The following ADGRE3 variants were observed in gnomAD, a reference collection of about 807,000 sequenced individuals.
ADGRE3 encodes the protein EGF-like module receptor 3.
Under a neutral mutation model 80.1 loss-of-function variants are expected in ADGRE3, and 88 were observed. The ratio of observed to expected loss-of-function variants is 1.10; its 90% CI spans 0.93 to 1.31. The LOEUF is 1.31. Ranked by LOEUF, ADGRE3 falls within the 40% of genes most tolerant of loss-of-function variation. ADGRE3 has a pLI of 0.00. For missense variants in ADGRE3, 715 were observed against 776.5 expected (o/e 0.92, Z 0.94); for synonymous variants, 281 against 294.8 (o/e 0.95, Z 0.48).
chr19:14,620,524 GAATATATATATTTTATATATATAT>G (rs1472746688), intron 15 of ADGRE3, among the ~76,000 whole-genome samples: 8 of 19,280 alleles, frequency 4.1e-4, no homozygotes, highest in African/African-American at 1.2e-3. Context: ...GACTATATAT[GAATATATATATTTTATATATATAT>G]TATATATATA....
chr19:14,663,324 C>T (rs1972003067), intron 3 of ADGRE3, 94 bp downstream of exon 3: 1 of 767,916 alleles, frequency 1.3e-6, no homozygotes, highest in Non-Finnish European at 1.7e-6. Context: ...TTGATCATGC[C>T]ACAGCAGTCC....
chr19:14,616,060 T>C (rs888848203), downstream of ADGRE3, among the ~76,000 whole-genome samples: 3 of 151,450 alleles, frequency 2.0e-5, no homozygotes, highest in African/African-American at 7.3e-5. Context: ...GCCTCCCGAG[T>C]AGCTGGGACT....
Position 14,665,932 on chromosome 19 carries a change from A to ATG in ADGRE3, c.77-2394_77-2393dup, listed in dbSNP as rs1198501524. Among the ~76,000 whole-genome samples the ATG allele has an allele frequency of 1.3e-3, 93 of 72,148 alleles. 3 individuals are homozygous for ATG. Among genetic ancestry groups the ATG allele is most frequent in the Admixed American group, 5.3e-3 (35 of 6,652 alleles). The allele number at this position is 72,148 out of a possible 152,430, so 47.3% of individuals were successfully genotyped here. ...ACATATATATTGCATATACACACAT[A>ATG]TGTGTATATATATATATATATATAT... On this transcript the variant is annotated intron_variant, in intron 2 of 15. Transcript: ENST00000253673.
chr19:14,629,339 G>A (rs1036582451), intron 14 of ADGRE3, among the ~76,000 whole-genome samples: 1 of 152,098 alleles, frequency 6.6e-6, no homozygotes, highest in Admixed American at 6.6e-5. Context: ...ATGTGAAGTG[G>A]TGTGTTAGCT....
the ADGRE3 span, among the ~76,000 whole-genome samples, chr19:14,600,747 A>G: frequency 6.6e-6 from 1 of 150,840 alleles, no homozygotes; most frequent in Admixed American, 6.7e-5. Flanking sequence ...ACGCCCGGCT[A>G]ATTTTGTTTT....
At chr19:14,655,248 A>G in intron 5 of ADGRE3, 83 bp from the exon 6 acceptor site, 1 of 1,279,520 alleles carries the variant, frequency 7.8e-7, no homozygotes, top group Non-Finnish European at 1.1e-6. Flanking sequence ...AAAGCATGAG[A>G]AAGCAGGCTC....
At chr19:14,653,951 T>G (rs10411108) in intron 6 of ADGRE3, among the ~76,000 whole-genome samples, 200 of 10,318 alleles carry the variant, frequency 0.019, no homozygotes, top group Middle Eastern at 0.18. Flanking sequence ...GTGTGTTTTT[T>G]TTTTTTTTTT....
chr19:14,647,513 T>C (rs1220372902), intron 7 of ADGRE3, 148 bp from the exon 8 acceptor site: 1 of 575,002 alleles, frequency 1.7e-6, no homozygotes, highest in East Asian at 3.1e-5. Flanking sequence ...GCCTCCCGGG[T>C]TCAAGTGATT....
chr19:14,639,866 A>G (rs1260835124), intron 10 of ADGRE3, among the ~76,000 whole-genome samples: 1 of 152,016 alleles, frequency 6.6e-6, no homozygotes, highest in East Asian at 1.9e-4. Flanking sequence ...TTTGTTAGCA[A>G]TTTTTCAATA....
downstream of ADGRE3, among the ~76,000 whole-genome samples, chr19:14,618,281 G>A (rs530011432): frequency 1.3e-5 from 2 of 151,676 alleles, no homozygotes; most frequent in Non-Finnish European, 2.9e-5. Context: ...CATCAGGCGC[G>A]ATGGCTTGTG....
chr19:14,606,679 CAAAAA>C, the ADGRE3 span, among the ~76,000 whole-genome samples: 1 of 66,432 alleles, frequency 1.5e-5, no homozygotes. Flanking sequence ...GACTCCCTCT[CAAAAA>C]AAAAAAAAAA....
chr19:14,640,668 C>T (rs971620752), intron 10 of ADGRE3, among the ~76,000 whole-genome samples: 8 of 151,962 alleles, frequency 5.3e-5, no homozygotes, highest in African/African-American at 1.9e-4. Context: ...TGGTTTGGCT[C>T]TGTGTCCCCA....
intron 8 of ADGRE3, among the ~76,000 whole-genome samples, chr19:14,646,365 T>C (rs1971398083): frequency 6.6e-6 from 1 of 152,194 alleles, no homozygotes; most frequent in African/African-American, 2.4e-5. Flanking sequence ...CCCCCCACCT[T>C]GGCCTCCCAA....
chr19:14,668,642 A>G (rs140634046), intron 2 of ADGRE3, 160 bp downstream of exon 2: 378 of 579,356 alleles, frequency 6.5e-4, no homozygotes, highest in African/African-American at 5.6e-3. Flanking sequence ...CATATTTGAT[A>G]TAATGATAAA....
the ADGRE3 span, among the ~76,000 whole-genome samples, chr19:14,605,551 A>G: frequency 1.3e-5 from 2 of 152,170 alleles, no homozygotes; most frequent in African/African-American, 4.8e-5. Flanking sequence ...AATATTTATA[A>G]TCTTTCCACC....
downstream of ADGRE3, among the ~76,000 whole-genome samples, chr19:14,618,790 A>G (rs2075098305): frequency 7.5e-6 from 1 of 133,238 alleles, no homozygotes; most frequent in Non-Finnish European, 1.5e-5. Context: ...CGGGAGGCAG[A>G]GGTTGCACTC....
intron 7 of ADGRE3, among the ~76,000 whole-genome samples, chr19:14,650,744 A>C (rs1971582466): frequency 6.7e-6 from 1 of 149,014 alleles, no homozygotes; most frequent in Non-Finnish European, 1.5e-5. Context: ...GATTCTCTGG[A>C]GAACACTGAT....
At chr19:14,620,568 A>ATTTT (rs1189295641) in intron 15 of ADGRE3, among the ~76,000 whole-genome samples, 6 of 11,050 alleles carry the variant, frequency 5.4e-4, no homozygotes, top group African/African-American at 8.2e-4. Context: ...ATATATATAT[A>ATTTT]TTTTTTTTTT....
At chr19:14,620,503 G>A (rs1410625736) in intron 15 of ADGRE3, among the ~76,000 whole-genome samples, 1 of 39,692 alleles carries the variant, frequency 2.5e-5, no homozygotes, top group Non-Finnish European at 5.1e-5. Context: ...ATGAATATAT[G>A]AATATATTAT....
Sources: gnomAD v4.1 joint callset for allele counts (sites outside exome capture counted in the v4.1 genomes callset) on GRCh38, gnomAD v4.1.1 for gene constraint, MANE v1.5 for transcripts, NCBI Gene and HGNC (gene_info 2026-07-23, HGNC 2026-07-21) for gene names.